DCC: variants seen among roughly 807,000 people sequenced by gnomAD.
DCC encodes the protein netrin receptor DCC.
DCC carries 58 observed loss-of-function variants against 172.5 expected under a neutral mutation model. That is an observed-to-expected ratio of 0.34 (90% CI 0.27 to 0.42). The LOEUF (loss-of-function observed/expected upper bound fraction) is 0.42, where lower values mean the gene tolerates loss of function less well. DCC is among the 10% of genes least tolerant of loss of function. DCC has a pLI of 1.00. For synonymous variants in DCC, 709 were observed against 644.5 expected, an observed-to-expected ratio of 1.10 and a Z score of -1.52; for missense variants, 1,740 against 1,791.0, an observed-to-expected ratio of 0.97 and a Z score of 0.51.
At chr18:53,083,404 G>T (rs560701856) in intron 7 of DCC, among the ~76,000 whole-genome samples, 13 of 152,152 alleles carry the variant, frequency 8.5e-5, no homozygotes, top group Non-Finnish European at 1.8e-4. Context: ...AATATTAAAA[G>T]TGCACACTGT....
At chr18:52,471,361 G>T (rs1279851702) in intron 1 of DCC, among the ~76,000 whole-genome samples, 1 of 152,096 alleles carries the variant, frequency 6.6e-6, no homozygotes, top group African/African-American at 2.4e-5. Flanking sequence ...AACTTACTCT[G>T]CTGGCTGATT....
chr18:52,615,150 G>T (rs1354366727), intron 1 of DCC, among the ~76,000 whole-genome samples: 3 of 152,138 alleles, frequency 2.0e-5, no homozygotes, highest in Admixed American at 6.5e-5. Flanking sequence ...ATTTTCCTGA[G>T]ATGTGGGCAG....
intron 1 of DCC, among the ~76,000 whole-genome samples, chr18:52,380,350 T>A (rs1300768705): frequency 6.6e-6 from 1 of 152,096 alleles, no homozygotes. Flanking sequence ...TAATATATAA[T>A]TAAATTTCCT....
At chr18:53,365,491 G>C (rs1250002986) in intron 15 of DCC, among the ~76,000 whole-genome samples, 1 of 150,872 alleles carries the variant, frequency 6.6e-6, no homozygotes, top group South Asian at 2.1e-4. Context: ...TATTTTCTGA[G>C]TGAGCATAAA....
intron 5 of DCC, among the ~76,000 whole-genome samples, chr18:53,018,088 C>T (rs2041832878): frequency 6.6e-6 from 1 of 152,122 alleles, no homozygotes. Context: ...TTGATGGGTG[C>T]AGCAAACCAC....
intron 9 of DCC, among the ~76,000 whole-genome samples, chr18:53,187,215 T>C (rs1030324727): frequency 1.3e-5 from 2 of 151,616 alleles, no homozygotes; most frequent in Admixed American, 1.3e-4. Flanking sequence ...CTCCACGTCC[T>C]GAGTTCGTGT....
At chr18:53,429,124 TA>T (rs1911429121) in intron 21 of DCC, among the ~76,000 whole-genome samples, 1 of 101,430 alleles carries the variant, frequency 9.9e-6, no homozygotes, top group Non-Finnish European at 2.0e-5. Context: ...ATTTTATATA[TA>T]TATAAATATA....
intron 21 of DCC, among the ~76,000 whole-genome samples, chr18:53,417,351 C>A (rs1910374312): frequency 6.6e-6 from 1 of 152,178 alleles, no homozygotes; most frequent in Non-Finnish European, 1.5e-5. Context: ...CTGTGCACAG[C>A]AATGGCTACT....
chr18:53,084,277 C>A (rs1043482546), intron 7 of DCC, among the ~76,000 whole-genome samples: 1 of 152,122 alleles, frequency 6.6e-6, no homozygotes, highest in Non-Finnish European at 1.5e-5. Flanking sequence ...ACCCATTAAT[C>A]CATTAACCTA....
At chr18:53,465,681 C>T (rs547736892) in intron 24 of DCC, among the ~76,000 whole-genome samples, 5 of 152,222 alleles carry the variant, frequency 3.3e-5, no homozygotes, top group African/African-American at 1.2e-4. Flanking sequence ...TTCAGTTTCA[C>T]ACCCTTTTTC....
At chr18:52,380,695 A>T (rs1985548738) in intron 1 of DCC, among the ~76,000 whole-genome samples, 1 of 152,100 alleles carries the variant, frequency 6.6e-6, no homozygotes, top group African/African-American at 2.4e-5. Flanking sequence ...TAAAATGAGG[A>T]TGTTGAGTCA....
intron 1 of DCC, among the ~76,000 whole-genome samples, chr18:52,501,765 T>A (rs2031031074): frequency 6.6e-6 from 1 of 152,270 alleles, no homozygotes; most frequent in Non-Finnish European, 1.5e-5. Flanking sequence ...TTTTTCTAAT[T>A]AGTTGTTGCT....
chr18:53,071,809 T>C (rs2042654974), intron 7 of DCC, among the ~76,000 whole-genome samples: 1 of 152,108 alleles, frequency 6.6e-6, no homozygotes, highest in African/African-American at 2.4e-5. Flanking sequence ...ATTCAGTGAA[T>C]AGTCTAGCAA....
At chr18:52,683,454 G>A (rs4940207) in intron 1 of DCC, among the ~76,000 whole-genome samples, 70,026 of 151,866 alleles carry the variant, frequency 0.46, 16,287 homozygotes, top group Non-Finnish European at 0.51. Flanking sequence ...CCACAATTCA[G>A]ATTATTTATT....
chr18:53,473,276 T>G (rs761493640), intron 25 of DCC, among the ~76,000 whole-genome samples: 8 of 152,228 alleles, frequency 5.3e-5, no homozygotes, highest in African/African-American at 1.9e-4. Flanking sequence ...ATGATAAGGA[T>G]GTAATGTATC....
intron 12 of DCC, among the ~76,000 whole-genome samples, chr18:53,218,030 T>C (rs1285027602): frequency 6.6e-6 from 1 of 151,928 alleles, no homozygotes; most frequent in African/African-American, 2.4e-5. Context: ...TTGTGTTTTT[T>C]GAAAGACAGG....
intron 1 of DCC, among the ~76,000 whole-genome samples, chr18:52,422,638 C>T (rs1363475548): frequency 1.3e-5 from 2 of 152,022 alleles, no homozygotes; most frequent in Non-Finnish European, 2.9e-5. Context: ...CACATTCATT[C>T]CAGGATGACA....
In DCC at chr18:53,486,949, A is replaced by C. The variant is rs767999734; in HGVS notation, c.3889A>C (p.Arg1297=). ...AGTGGACCGAGGTTTCGGAGCAGGA[A>C]GAAGTCAGTGTAATGCATTTTCCTC... ...LSVDRGFGAG[R]SQSVSEGPTT... The change falls in exon 26 of 29, where the codon AGA becomes CGA. Residue 1297 remains arginine (R), a synonymous_variant. Transcript: ENST00000442544. 5.0e-6 allele frequency: 8 copies of C among 1,614,082 alleles called. No individual in the cohort carries two copies. The African/African-American group carries it at 9.3e-5, about 19-fold the overall frequency.
chr18:52,838,828 T>C (rs941585903), intron 2 of DCC, among the ~76,000 whole-genome samples: 1 of 152,168 alleles, frequency 6.6e-6, no homozygotes, highest in Non-Finnish European at 1.5e-5. Flanking sequence ...CGAACTAAAA[T>C]AGTTTACCAA....
Sources: gnomAD v4.1 joint callset for allele counts (sites outside exome capture counted in the v4.1 genomes callset) on GRCh38, gnomAD v4.1.1 for gene constraint, MANE v1.5 for transcripts, NCBI Gene and HGNC (gene_info 2026-07-23, HGNC 2026-07-21) for gene names.